Variants in PHF2 observed in about 807,000 individuals in gnomAD.
PHF2 encodes lysine-specific demethylase PHF2.
In PHF2, 27 loss-of-function variants were observed where a neutral mutation model predicts 120.5. The ratio of observed to expected loss-of-function variants is 0.22; its 90% CI spans 0.17 to 0.31. PHF2 has a LOEUF of 0.31. Ranked by LOEUF, PHF2 falls within the 10% of genes least tolerant of loss-of-function variation. The pLI, the probability that PHF2 is intolerant of heterozygous loss-of-function variation, is 1.00. For missense variants in PHF2, 1,024 were observed against 1,434.8 expected, an observed-to-expected ratio of 0.71 and a Z score of 4.63; for synonymous variants, 568 against 592.5, an observed-to-expected ratio of 0.96 and a Z score of 0.60.
intron 16 of PHF2, 115 bp from the exon 17 acceptor site, chr9:93,666,965 A>G: frequency 1.8e-6 from 1 of 543,468 alleles, no homozygotes; most frequent in Non-Finnish European, 2.9e-6. Flanking sequence ...AAATAAATAA[A>G]AATGTTAAAA....
At chr9:93,607,426 A>G (rs924601289) in intron 1 of PHF2, among the ~76,000 whole-genome samples, 24 of 145,700 alleles carry the variant, frequency 1.6e-4, no homozygotes, top group Admixed American at 1.3e-3. Flanking sequence ...CCATGCACCA[A>G]CATGCCTGGC....
At chr9:93,598,993 T>A (rs540862794) in intron 1 of PHF2, among the ~76,000 whole-genome samples, 18 of 152,296 alleles carry the variant, frequency 1.2e-4, no homozygotes, top group African/African-American at 4.3e-4. Flanking sequence ...TGTTTTGTAC[T>A]GTGCGTGCCT....
intron 17 of PHF2, chr9:93,672,861 T>G (rs1227018465): frequency 1.0e-6 from 1 of 956,062 alleles, no homozygotes; most frequent in African/African-American, 1.9e-5. Context: ...GGGGTGGAGG[T>G]AGGTACAGGT....
chr9:93,672,306 G>T (rs1387233882), intron 17 of PHF2: 2 of 525,198 alleles, frequency 3.8e-6, no homozygotes, highest in African/African-American at 4.2e-5. Context: ...GCAGGTGTGG[G>T]TGTGGATGTA....
chr9:93,617,732 T>C (rs1825751636), intron 1 of PHF2, among the ~76,000 whole-genome samples: 2 of 152,162 alleles, frequency 1.3e-5, no homozygotes, highest in African/African-American at 2.4e-5. Flanking sequence ...AGGAAAGCCA[T>C]CCGAGTCCTA....
At chr9:93,582,493 C>G (rs966419009) in intron 1 of PHF2, among the ~76,000 whole-genome samples, 1 of 152,224 alleles carries the variant, frequency 6.6e-6, no homozygotes, top group African/African-American at 2.4e-5. Context: ...CTCTGCATCT[C>G]TCCTTCTCTG....
At chr9:93,587,468 A>AG (rs1473408398) in intron 1 of PHF2, among the ~76,000 whole-genome samples, 1 of 24,300 alleles carries the variant, frequency 4.1e-5, no homozygotes, top group Non-Finnish European at 9.0e-5. Context: ...TGAGGGATGG[A>AG]GGAGCCCCGG....
At chr9:93,579,772 T>G (rs1195623999) in intron 1 of PHF2, among the ~76,000 whole-genome samples, 1 of 152,236 alleles carries the variant, frequency 6.6e-6, no homozygotes, top group Non-Finnish European at 1.5e-5. Flanking sequence ...AGAGGGTCTC[T>G]AAGTCATCAG....
At chr9:93,602,488 G>A (rs952355043) in intron 1 of PHF2, among the ~76,000 whole-genome samples, 8 of 151,884 alleles carry the variant, frequency 5.3e-5, no homozygotes, top group East Asian at 3.9e-4. Context: ...CCTGAGCTCC[G>A]GCAATCCACC....
intron 13 of PHF2, 26 bp from the exon 14 acceptor site, chr9:93,663,491 G>A (rs1826616688): frequency 6.9e-7 from 1 of 1,450,876 alleles, no homozygotes; most frequent in Non-Finnish European, 9.6e-7. Context: ...GTGGGGCTCA[G>A]GGACGGCCCT....
chr9:93,652,114 G>A (rs1008022492), intron 5 of PHF2, among the ~76,000 whole-genome samples: 2 of 152,108 alleles, frequency 1.3e-5, no homozygotes, highest in South Asian at 2.1e-4. Flanking sequence ...ATTTGTGACA[G>A]TCTTGTCCGG....
rs1564398171 is a variant in PHF2, at chr9:93,660,091, G to A, written c.1330-101G>A. ...AGCCTTTCTGGGCTGATAGTTCCCC[G>A]CCAGCCTGGCACTGAGTGTCTCCAG... On this transcript the variant is annotated intron_variant, in intron 11 of 21. Transcript: ENST00000359246. The A allele has an allele frequency of 3.6e-6, 5 of 1,391,644 alleles. No individual in the cohort carries two copies. In the South Asian group the frequency reaches 6.2e-5, roughly 17 times the overall value. 86.2% of individuals were successfully genotyped at this position (1,391,644 alleles called of 1,614,324 possible). A position where few individuals can be genotyped will look rare whatever the true frequency, so the allele number is the denominator to read the frequency against.
intron 1 of PHF2, among the ~76,000 whole-genome samples, chr9:93,598,900 G>T (rs1214752974): frequency 2.0e-5 from 3 of 152,102 alleles, no homozygotes; most frequent in Non-Finnish European, 4.4e-5. Flanking sequence ...CTTCCTGTTG[G>T]CCTCCACACC....
intron 1 of PHF2, among the ~76,000 whole-genome samples, chr9:93,615,210 G>A (rs10992802): frequency 9.6e-5 from 10 of 104,514 alleles, no homozygotes; most frequent in East Asian, 2.5e-4. Context: ...TGATGGTGAT[G>A]GTGATGGTGA....
chr9:93,619,060 C>A (rs1825781054), intron 1 of PHF2, among the ~76,000 whole-genome samples: 1 of 151,842 alleles, frequency 6.6e-6, no homozygotes, highest in Non-Finnish European at 1.5e-5. Flanking sequence ...CACTGGGGGT[C>A]TGCAGACCTC....
intron 1 of PHF2, among the ~76,000 whole-genome samples, chr9:93,597,674 G>GC (rs1247657341): frequency 1.3e-5 from 2 of 152,096 alleles, no homozygotes; most frequent in African/African-American, 4.8e-5. Flanking sequence ...TAGTCCTGAG[G>GC]TGAGGGAGGC....
intron 1 of PHF2, among the ~76,000 whole-genome samples, chr9:93,584,454 T>C (rs948584375): frequency 2.0e-5 from 3 of 152,234 alleles, no homozygotes; most frequent in South Asian, 4.1e-4. Flanking sequence ...CTTTATTCTT[T>C]TGAAGCTGGA....
chr9:93,619,324 C>T (rs998594794), intron 1 of PHF2, among the ~76,000 whole-genome samples: 3 of 152,208 alleles, frequency 2.0e-5, no homozygotes, highest in Admixed American at 6.5e-5. Flanking sequence ...AGGGACCAGG[C>T]GACTTGATCC....
At chr9:93,652,734 G>T (rs146567068) in intron 5 of PHF2, among the ~76,000 whole-genome samples, 1 of 152,182 alleles carries the variant, frequency 6.6e-6, no homozygotes, top group East Asian at 1.9e-4. Flanking sequence ...GCCAGGGGTC[G>T]TGGGCACCCT....
Sources: gnomAD v4.1 joint callset for allele counts (sites outside exome capture counted in the v4.1 genomes callset) on GRCh38, gnomAD v4.1.1 for gene constraint, MANE v1.5 for transcripts, NCBI Gene and HGNC (gene_info 2026-07-23, HGNC 2026-07-21) for gene names.